Variants in MX2 observed in about 807,000 individuals in gnomAD.
MX2 encodes MX dynamin like GTPase 2, also known as interferon-induced GTP-binding protein Mx2.
In MX2, 51 loss-of-function variants were observed where a neutral mutation model predicts 74.0. The ratio of observed to expected loss-of-function variants is 0.69; its 90% CI spans 0.55 to 0.87. The LOEUF (loss-of-function observed/expected upper bound fraction) is 0.87. Among genes scored for constraint, MX2 ranks in the 40% least tolerant of loss-of-function variants. MX2 has a pLI of 0.00. For missense variants in MX2, 832 were observed against 908.7 expected, an observed-to-expected ratio of 0.92 and a Z score of 1.09; for synonymous variants, 369 against 339.3, an observed-to-expected ratio of 1.09 and a Z score of -0.96.
chr21:41,408,321 C>T lies in MX2; in HGVS notation c.*88C>T. 1.3e-6 allele frequency: 2 copies of T among 1,524,886 alleles called. No individual in the cohort carries two copies. Among genetic ancestry groups the T allele is most frequent in the Non-Finnish European group, 1.8e-6 (2 of 1,127,592 alleles). 94.5% of individuals were successfully genotyped at this position (1,524,886 alleles called of 1,614,324 possible). The stretch of plus-strand genomic sequence containing the variant: ...CAGGATGCCGCTTCTGCTTTGGGGC[C>T]AAACTCTTCTGTCACTATCAGTGTC... On this transcript the variant is annotated 3_prime_UTR_variant, in exon 14 of 14. Coordinates refer to ENST00000330714, the MANE Select transcript of MX2 (RefSeq NM_002463.2).
intron 12 of MX2, chr21:41,404,873 C>CAAAAAAAAAAAAAA (rs547207365): frequency 2.9e-5 from 2 of 69,088 alleles, no homozygotes; most frequent in Non-Finnish European, 3.4e-5. Context: ...CACATATACT[C>CAAAAAAAAAAAAAA]AAAAAAAAAA....
At chr21:41,381,684 C>CAAAAAAAAAAAAAAAAA (rs57350601) in intron 4 of MX2, among the ~76,000 whole-genome samples, 2 of 58,454 alleles carry the variant, frequency 3.4e-5, no homozygotes, top group African/African-American at 1.1e-4. Flanking sequence ...GACTCTGTCT[C>CAAAAAAAAAAAAAAAAA]AAAAAAAAAA....
chr21:41,406,657 G>C (rs1203478539), intron 12 of MX2, 87 bp from the exon 13 acceptor site: 1 of 1,358,334 alleles, frequency 7.4e-7, no homozygotes, highest in African/African-American at 1.5e-5. Context: ...TTATTTCTGA[G>C]TTCAACATAA....
rs1005862719 is a variant in MX2, at chr21:41,398,808, G to A, written c.1150-89G>A. On this transcript the variant is annotated intron_variant, in intron 8 of 13. Transcript: ENST00000330714. ...TCAAAAATTCCAGATCTTCCTGGAT[G>A]CTTTAAAGGGCTCCTACTCATATAC... 1.7e-5 allele frequency: 26 copies of A among 1,518,116 alleles called. No homozygotes were observed. In the African/African-American group the frequency reaches 3.1e-4, roughly 18 times the overall value. The allele number at this position is 1,518,116 out of a possible 1,614,324, so 94.0% of individuals were successfully genotyped here. A position where few individuals can be genotyped will look rare whatever the true frequency, so the allele number is the denominator to read the frequency against.
intron 5 of MX2, among the ~76,000 whole-genome samples, chr21:41,387,630 T>C (rs958935485): frequency 6.6e-6 from 1 of 152,186 alleles, no homozygotes; most frequent in Admixed American, 6.5e-5. Context: ...ATTCTTCCCA[T>C]TGAAAACTCT....
At chr21:41,392,788 C>T (rs768359051) in intron 6 of MX2, among the ~76,000 whole-genome samples, 5 of 152,040 alleles carry the variant, frequency 3.3e-5, no homozygotes, top group South Asian at 2.1e-4. Flanking sequence ...ACTTGAGTTA[C>T]GTGTATTTTA....
Position 41,388,380 on chromosome 21 carries a change from A to G in MX2, c.733-2185A>G, listed in dbSNP as rs894544009. Reference sequence around the variant, plus strand: ...CTTTTGCCTGGACTCTTGCGTGTGCATGCACGCTTCCCACTGCCCGGTGCT... The same window carrying G: ...CTTTTGCCTGGACTCTTGCGTGTGCGTGCACGCTTCCCACTGCCCGGTGCT... On this transcript the variant is annotated intron_variant, in intron 5 of 13. Transcript: ENST00000330714. The surrounding 1 kb of genome is among the most constrained non-coding windows in gnomAD (Gnocchi z 4.0). Among the ~76,000 whole-genome samples the G allele has an allele frequency of 2.6e-5, 4 of 152,090 alleles. No homozygotes were observed. Among genetic ancestry groups the G allele is most frequent in the Non-Finnish European group, 5.9e-5 (4 of 68,022 alleles).
At chr21:41,385,328 G>A (rs1249426935) in intron 5 of MX2, among the ~76,000 whole-genome samples, 1 of 152,218 alleles carries the variant, frequency 6.6e-6, no homozygotes, top group East Asian at 1.9e-4. Context: ...ATCTTGAATT[G>A]TAGCTCCCAT....
chr21:41,406,955 C>T lies in MX2; in HGVS notation c.1862C>T (p.Ser621Phe). 6.2e-7 allele frequency: 1 copy of T among 1,613,836 alleles called. No homozygotes were observed. The highest frequency in any genetic ancestry group is 1.1e-5 in the South Asian group (1 of 91,076). Residue 621 changes from serine to phenylalanine, a missense_variant, in exon 13 of 14, where the codon TCC becomes TTC. By Grantham distance (155) the Ser-to-Phe change is radical (BLOSUM62 -2). Transcript: ENST00000330714. ...TTTCCCAGTAATGAGTCTTCGGTTT[C>T]CTCCTTTACTGAAATAGGCATCCAC... ...SHFPSNESSV[S>F]SFTEIGIHLN...
At chr21:41,384,099 C>T (rs532472466) in intron 5 of MX2, among the ~76,000 whole-genome samples, 2 of 152,250 alleles carry the variant, frequency 1.3e-5, no homozygotes, top group Admixed American at 6.5e-5. Flanking sequence ...CTTGTTCTCG[C>T]ACACATTCCC....
chr21:41,379,938 G>A, intron 3 of MX2, 79 bp from the exon 4 acceptor site: 1 of 1,566,406 alleles, frequency 6.4e-7, no homozygotes, highest in Non-Finnish European at 8.7e-7. Flanking sequence ...GGGGACAGCA[G>A]GGCAGGTTCT....
intron 3 of MX2, among the ~76,000 whole-genome samples, chr21:41,379,466 G>A (rs1347912478): frequency 2.6e-5 from 4 of 152,140 alleles, no homozygotes; most frequent in East Asian, 1.9e-4. Flanking sequence ...CTCCTCCTTC[G>A]GGATGTCCGG....
At chr21:41,365,435 G>C (rs1023532123) in intron 1 of MX2, 19 of 152,102 alleles carry the variant, frequency 1.2e-4, no homozygotes, top group African/African-American at 4.6e-4. Context: ...TTGTGGCCAT[G>C]TGTGTTTAAT....
At chr21:41,397,514 G>T (rs1231908779) in intron 7 of MX2, 99 bp from the exon 8 acceptor site, 30 of 1,036,910 alleles carry the variant, frequency 2.9e-5, no homozygotes. Context: ...GGCACGTGTT[G>T]CCCCGGGGAG....
In MX2 at chr21:41,365,141, G is replaced by A. The variant is rs535937355; in HGVS notation, c.-72+3086G>A. ...TCTTTGCAGATGTAATTAAAGACGA[G>A]GTTGTTTTCCAGTAGGGTGGGCCCT... On this transcript the variant is annotated intron_variant, in intron 1 of 13. Coordinates refer to ENST00000330714, the MANE Select transcript of MX2 (RefSeq NM_002463.2). 2.0e-5 allele frequency: 3 copies of A among 152,326 alleles called. No individual in the cohort carries two copies. In the East Asian group the frequency reaches 5.8e-4, roughly 29 times the overall value. The allele number at this position is 152,326 out of a possible 1,614,324, so 9.4% of individuals were successfully genotyped here. A position where few individuals can be genotyped will look rare whatever the true frequency, so the allele number is the denominator to read the frequency against.
At position 41,408,020 on chromosome 21, in the gene MX2, C is replaced by G. The variant is rs376797896; in HGVS notation, c.1935C>G (p.Ile645Met). The G allele has an allele frequency of 1.9e-5, 31 of 1,614,052 alleles. No individual in the cohort carries two copies. Among genetic ancestry groups the G allele is most frequent in the Non-Finnish European group, 6.8e-6 (8 of 1,180,052 alleles). The part of the protein sequence containing the change: ...LETSKRLANQ[I>M]PFIIQYFMLR... ...CCAGCAAACGTCTCGCCAACCAGAT[C>G]CCATTTATAATTCAGTATTTTATGC... The change falls in exon 14 of 14, where the codon ATC becomes ATG. Residue 645 changes from isoleucine (I) to methionine (M), a missense_variant. Transcript: ENST00000330714.
chr21:41,383,115 T>C (rs1251234691), intron 5 of MX2, among the ~76,000 whole-genome samples: 1 of 151,994 alleles, frequency 6.6e-6, no homozygotes, highest in Non-Finnish European at 1.5e-5. Flanking sequence ...TCCCAACACT[T>C]TGGGAGGCCA....
chr21:41,373,142 AG>A (rs1170626145), intron 1 of MX2: 1 of 152,242 alleles, frequency 6.6e-6, no homozygotes, highest in Non-Finnish European at 1.5e-5. Flanking sequence ...GCACCAAAAA[AG>A]GTGGCAGTGT....
In MX2 at chr21:41,368,368, C is replaced by T. The variant is rs567695224; in HGVS notation, c.-72+6313C>T. 7.9e-4 allele frequency among the ~76,000 whole-genome samples: 121 copies of T among 152,258 alleles called. 1 individual carries two copies. Among genetic ancestry groups the T allele is most frequent in the Non-Finnish European group, 9.7e-4 (66 of 68,030 alleles). On this transcript the variant is annotated intron_variant, in intron 1 of 13. Transcript: ENST00000330714. The surrounding 1 kb of genome is among the most constrained non-coding windows in gnomAD (Gnocchi z 4.6). The stretch of plus-strand genomic sequence containing the variant: ...TTGTGCAGGGGAGACAGATGGTTCA[C>T]CAGGCACACACCAGACAACCCGAAA...
Sources: gnomAD v4.1 joint callset for allele counts (sites outside exome capture counted in the v4.1 genomes callset) on GRCh38, gnomAD v4.1.1 for gene constraint, Gnocchi (gnomAD v3.1) non-coding constraint, MANE v1.5 for transcripts, NCBI Gene and HGNC (gene_info 2026-07-23, HGNC 2026-07-21) for gene names.